SMIM13: variants seen among roughly 807,000 people sequenced by gnomAD.
The protein encoded by SMIM13 is UPF0766 protein C6orf228.
In SMIM13, 3 loss-of-function variants were observed where a neutral mutation model predicts 5.9. That is an observed-to-expected ratio of 0.51 (90% CI 0.23 to 1.31). SMIM13 has a LOEUF of 1.31. Among genes scored for constraint, SMIM13 ranks in the 40% most tolerant of loss-of-function variants. The pLI is 0.18. For missense variants in SMIM13, 85 were observed against 109.9 expected (o/e 0.77, Z 1.01); for synonymous variants, 55 against 46.0 (o/e 1.19, Z -0.79).
At position 11,126,120 on chromosome 6, in the gene SMIM13, G is replaced by T. The variant is rs188272675; in HGVS notation, c.77-8283G>T. Among the ~76,000 whole-genome samples the T allele has an allele frequency of 1.7e-3, 262 of 152,244 alleles. 2 individuals carry two copies. The highest frequency in any genetic ancestry group is 6.1e-3 in the African/African-American group (253 of 41,542). ...GCTGGAGTGCAGTGGCACCATCTCGGCTCACCACAACCTCCGCCTCCCGGG... is the reference window on the plus strand; with the variant it reads ...GCTGGAGTGCAGTGGCACCATCTCGTCTCACCACAACCTCCGCCTCCCGGG... On this transcript the variant is annotated intron_variant, in intron 1 of 1. Coordinates refer to ENST00000416247, the MANE Select transcript of SMIM13 (RefSeq NM_001135575.2).
chr6:11,117,100 C>T (rs1198874873), intron 1 of SMIM13, among the ~76,000 whole-genome samples: 4 of 141,814 alleles, frequency 2.8e-5, no homozygotes, highest in Non-Finnish European at 6.0e-5. Context: ...AACTGATTCT[C>T]CTGCCTCAGC....
chr6:11,134,764 CA>C lies in SMIM13; in HGVS notation c.*165del. ...ATATAAAAATAAAGGGAACTGAAAC[CA>C]AATTGGACTATTATAAATTTCATCT... is the stretch of plus-strand genomic sequence containing the variant. On this transcript the variant is annotated 3_prime_UTR_variant, in exon 2 of 2. Transcript: ENST00000416247. 1 of 487,580 alleles carries C rather than the reference CA, an allele frequency of 2.1e-6. No individual in the cohort carries two copies. The allele number at this position is 487,580 out of a possible 1,614,324, so 30.2% of individuals were successfully genotyped here.
chr6:11,115,435 A>G (rs566861371), intron 1 of SMIM13, among the ~76,000 whole-genome samples: 3 of 152,280 alleles, frequency 2.0e-5, no homozygotes, highest in East Asian at 3.9e-4. Flanking sequence ...TGAGGACTCA[A>G]GGTGGCTCAC....
intron 1 of SMIM13, chr6:11,103,527 T>G (rs1758030034): frequency 2.0e-6 from 2 of 996,326 alleles, no homozygotes; most frequent in Non-Finnish European, 2.8e-6. Context: ...TGCTTCCTGC[T>G]GACAGAGGGG....
At chr6:11,101,663 G>A (rs1472915851) in intron 1 of SMIM13, among the ~76,000 whole-genome samples, 1 of 152,094 alleles carries the variant, frequency 6.6e-6, no homozygotes, top group African/African-American at 2.4e-5. Context: ...TTCCTCTGTA[G>A]GGTGTCTTTA....
At chr6:11,123,784 C>T (rs908494275) in intron 1 of SMIM13, among the ~76,000 whole-genome samples, 4 of 152,192 alleles carry the variant, frequency 2.6e-5, no homozygotes, top group African/African-American at 9.7e-5. Context: ...ATATCCATCA[C>T]CTCAAACATT....
chr6:11,096,954 G>A (rs1757933018), intron 1 of SMIM13, among the ~76,000 whole-genome samples: 1 of 152,210 alleles, frequency 6.6e-6, no homozygotes, highest in Non-Finnish European at 1.5e-5. Flanking sequence ...GCTTCCCAAA[G>A]TGCTGGGATT....
intron 1 of SMIM13, chr6:11,104,499 G>A (rs1207866856): frequency 6.4e-7 from 1 of 1,557,058 alleles, no homozygotes; most frequent in Non-Finnish European, 8.7e-7. Context: ...TTCTGAGACT[G>A]CTGATATGCC....
intron 1 of SMIM13, among the ~76,000 whole-genome samples, chr6:11,112,603 A>G (rs913028092): frequency 6.6e-6 from 1 of 152,102 alleles, no homozygotes; most frequent in African/African-American, 2.4e-5. Flanking sequence ...AAATCAAATC[A>G]CACAACATGC....
Position 11,134,644 on chromosome 6 carries a change from G to A in SMIM13, c.*42G>A, listed in dbSNP as rs1423244101. ...GATGAAAAGGCAGTTGCCAGCTTCT[G>A]TCTTTTACTGACTTCGCTTTGAAAT... On this transcript the variant is annotated 3_prime_UTR_variant, in exon 2 of 2. Coordinates refer to ENST00000416247, the MANE Select transcript of SMIM13 (RefSeq NM_001135575.2). The A allele has an allele frequency of 1.0e-5, 14 of 1,349,198 alleles. No individual in the cohort carries two copies. The highest frequency in any genetic ancestry group is 7.4e-5 in the African/African-American group (5 of 67,132). The allele number at this position is 1,349,198 out of a possible 1,614,324, so 83.6% of individuals were successfully genotyped here.
intron 1 of SMIM13, among the ~76,000 whole-genome samples, chr6:11,099,738 A>T (rs1757968063): frequency 1.3e-5 from 2 of 152,242 alleles, no homozygotes; most frequent in Non-Finnish European, 2.9e-5. Context: ...CTGTTACTCC[A>T]GTTCTCCTAG....
At chr6:11,110,265 A>G (rs943341182) in intron 1 of SMIM13, among the ~76,000 whole-genome samples, 4 of 152,110 alleles carry the variant, frequency 2.6e-5, no homozygotes, top group Non-Finnish European at 1.5e-5. Flanking sequence ...TCTGTGTTGC[A>G]GTGGTAATCT....
At chr6:11,094,423 C>G in intron 1 of SMIM13, 34 bp downstream of exon 1, 1 of 1,497,072 alleles carries the variant, frequency 6.7e-7, no homozygotes, top group South Asian at 1.2e-5. Context: ...GGCAGTTCCA[C>G]ACGCCGGGTC....
intron 1 of SMIM13, among the ~76,000 whole-genome samples, chr6:11,101,713 C>G (rs1757994202): frequency 6.6e-6 from 1 of 151,798 alleles, no homozygotes; most frequent in South Asian, 2.1e-4. Flanking sequence ...TACTGTAATT[C>G]CAGAACCTGA....
Position 11,138,533 on chromosome 6 carries a change from G to A in SMIM13, c.*3931G>A, listed in dbSNP as rs1332225948. 6.6e-6 allele frequency: 1 copy of A among 151,802 alleles called. No homozygotes were observed. The highest frequency in any genetic ancestry group is 1.5e-5 in the Non-Finnish European group (1 of 67,970). The allele number at this position is 151,802 out of a possible 1,614,324, so 9.4% of individuals were successfully genotyped here. ...ATTGCCATCTTGCTGCTTGACAATA[G>A]GTTTATAAATAATTAGAATTACGTG... On this transcript the variant is annotated 3_prime_UTR_variant, in exon 2 of 2. Transcript: ENST00000416247.
At chr6:11,100,216 A>G (rs1029637269) in intron 1 of SMIM13, among the ~76,000 whole-genome samples, 5 of 152,028 alleles carry the variant, frequency 3.3e-5, no homozygotes, top group African/African-American at 1.2e-4. Context: ...GCCTGCCACC[A>G]TGCCCAGCTA....
At chr6:11,127,290 G>A (rs866982804) in intron 1 of SMIM13, among the ~76,000 whole-genome samples, 1 of 152,136 alleles carries the variant, frequency 6.6e-6, no homozygotes, top group African/African-American at 2.4e-5. Flanking sequence ...AAATTTACCT[G>A]GTGCTCTCTA....
chr6:11,136,164 T>C lies in SMIM13; in HGVS notation c.*1562T>C, dbSNP rs1758515947. 1 of 152,186 alleles carries C rather than the reference T, an allele frequency of 6.6e-6. No homozygotes were observed. The highest frequency in any genetic ancestry group is 6.6e-5 in the Admixed American group (1 of 15,264). The allele number at this position is 152,186 out of a possible 1,614,324, so 9.4% of individuals were successfully genotyped here. On this transcript the variant is annotated 3_prime_UTR_variant, in exon 2 of 2. Coordinates refer to ENST00000416247, the MANE Select transcript of SMIM13 (RefSeq NM_001135575.2). ...GGAATGTGTTGTGGAGAAAAACACT[T>C]CTTCACAAACAATTCAGTGACAAGA...
chr6:11,132,888 G>A (rs1013875032), intron 1 of SMIM13, among the ~76,000 whole-genome samples: 2 of 152,056 alleles, frequency 1.3e-5, no homozygotes, highest in African/African-American at 2.4e-5. Context: ...TAAAAAACAC[G>A]GAATTGTATA....
Sources: allele counts gnomAD v4.1 joint callset (sites outside exome capture counted in the v4.1 genomes callset), GRCh38; gene constraint gnomAD v4.1.1; transcripts MANE v1.5; gene names NCBI Gene and HGNC (gene_info 2026-07-23, HGNC 2026-07-21).